ROBO1: variants seen among roughly 807,000 people sequenced by gnomAD.
ROBO1 encodes the protein roundabout homolog 1.
A neutral mutation model predicts 195.9 loss-of-function variants in ROBO1; 149 were observed. That is an observed-to-expected ratio of 0.76 (90% CI 0.67 to 0.87). The LOEUF is 0.87. Among genes scored for constraint, ROBO1 ranks in the 40% least tolerant of loss-of-function variants. ROBO1 has a pLI of 0.00. For missense variants in ROBO1, 1,933 were observed against 2,068.3 expected, an observed-to-expected ratio of 0.93 and a Z score of 1.27; for synonymous variants, 816 against 733.2, an observed-to-expected ratio of 1.11 and a Z score of -1.82.
chr3:79,711,721 A>T (rs542991324), intron 1 of ROBO1, among the ~76,000 whole-genome samples: 1 of 152,192 alleles, frequency 6.6e-6, no homozygotes, highest in East Asian at 1.9e-4. Flanking sequence ...CTTCAGAAAT[A>T]TTGCATTTTA....
intron 2 of ROBO1, among the ~76,000 whole-genome samples, chr3:79,502,697 G>T (rs1940159075): frequency 2.0e-5 from 1 of 49,496 alleles, no homozygotes; most frequent in African/African-American, 1.4e-4. Context: ...GTCTAGTGGG[G>T]ACTTGGAGAA....
intron 2 of ROBO1, among the ~76,000 whole-genome samples, chr3:79,581,648 A>G (rs1038832909): frequency 1.3e-5 from 2 of 152,112 alleles, no homozygotes; most frequent in African/African-American, 4.8e-5. Flanking sequence ...TTTTCCCTTA[A>G]GTATTCGTTC....
chr3:79,241,201 G>A (rs1012177315), intron 2 of ROBO1, among the ~76,000 whole-genome samples: 6 of 151,908 alleles, frequency 3.9e-5, no homozygotes, highest in South Asian at 2.1e-4. Context: ...AAACGTTTTC[G>A]AAAGACTATG....
chr3:78,634,072 C>T (rs1705341610), intron 23 of ROBO1, 30 bp from the exon 24 acceptor site: 4 of 1,431,720 alleles, frequency 2.8e-6, no homozygotes, highest in Non-Finnish European at 3.9e-6. Context: ...AAACAATAAA[C>T]ATTTATTTTC....
intron 2 of ROBO1, among the ~76,000 whole-genome samples, chr3:79,556,241 G>A (rs1030260634): frequency 3.3e-5 from 5 of 151,898 alleles, no homozygotes; most frequent in Non-Finnish European, 7.4e-5. Flanking sequence ...ATTATTTTAT[G>A]TATGCCCTTT....
intron 27 of ROBO1, 124 bp from the exon 28 acceptor site, chr3:78,614,924 A>G: frequency 9.9e-7 from 1 of 1,007,676 alleles, no homozygotes; most frequent in Non-Finnish European, 1.4e-6. Flanking sequence ...GCAACAAAAA[A>G]AGCTTAAACA....
intron 3 of ROBO1, among the ~76,000 whole-genome samples, chr3:79,076,223 A>G (rs2079169967): frequency 6.8e-6 from 1 of 148,060 alleles, no homozygotes; most frequent in Non-Finnish European, 1.5e-5. Flanking sequence ...ATAGGCATAT[A>G]TGTTACTTAT....
intron 2 of ROBO1, among the ~76,000 whole-genome samples, chr3:79,159,825 G>T (rs1352771854): frequency 6.6e-6 from 1 of 152,030 alleles, no homozygotes; most frequent in Non-Finnish European, 1.5e-5. Context: ...CCTGGCCACA[G>T]TGAGAAGTTC....
At chr3:79,752,234 C>T (rs558427548) in intron 1 of ROBO1, among the ~76,000 whole-genome samples, 1 of 152,174 alleles carries the variant, frequency 6.6e-6, no homozygotes, top group Admixed American at 6.5e-5. Flanking sequence ...AGGAAGAGTA[C>T]TTGGTAATTC....
At chr3:78,672,460 T>C (rs990998926) in intron 10 of ROBO1, among the ~76,000 whole-genome samples, 11 of 151,634 alleles carry the variant, frequency 7.3e-5, no homozygotes, top group African/African-American at 2.7e-4. Context: ...GCCATGGTGG[T>C]GTGCACCTGT....
chr3:79,746,949 T>A (rs1236921987), intron 1 of ROBO1, among the ~76,000 whole-genome samples: 4 of 152,072 alleles, frequency 2.6e-5, no homozygotes, highest in Admixed American at 1.3e-4. Context: ...TTTCAGGTGA[T>A]CAGTTATACT....
chr3:79,064,584 A>T (rs1330065292), intron 3 of ROBO1, among the ~76,000 whole-genome samples: 1 of 151,416 alleles, frequency 6.6e-6, no homozygotes, highest in Non-Finnish European at 1.5e-5. Context: ...TTGGTCTGGA[A>T]CTCCTGGGCT....
At chr3:79,741,289 G>A (rs1272436619) in intron 1 of ROBO1, among the ~76,000 whole-genome samples, 1 of 152,102 alleles carries the variant, frequency 6.6e-6, no homozygotes, top group African/African-American at 2.4e-5. Flanking sequence ...TATGCTACTG[G>A]TAAAACTTAG....
At chr3:79,087,396 C>T (rs1346554439) in intron 3 of ROBO1, among the ~76,000 whole-genome samples, 2 of 152,028 alleles carry the variant, frequency 1.3e-5, no homozygotes, top group African/African-American at 4.8e-5. Context: ...GGCAGGTTTC[C>T]AAACCTTTAA....
chr3:79,636,571 A>G (rs1478806832), intron 1 of ROBO1, among the ~76,000 whole-genome samples: 2 of 152,100 alleles, frequency 1.3e-5, no homozygotes, highest in African/African-American at 2.4e-5. Flanking sequence ...ACCCCTCACC[A>G]TTCCTTTACT....
intron 1 of ROBO1, among the ~76,000 whole-genome samples, chr3:79,627,241 C>A (rs1324408028): frequency 6.6e-6 from 1 of 152,112 alleles, no homozygotes; most frequent in Non-Finnish European, 1.5e-5. Flanking sequence ...CACTACCTGA[C>A]CTCAAACTAT....
intron 3 of ROBO1, among the ~76,000 whole-genome samples, chr3:78,949,086 C>A (rs2040625129): frequency 7.0e-6 from 1 of 142,526 alleles, no homozygotes; most frequent in South Asian, 2.3e-4. Context: ...CCATACTGCC[C>A]AAGGTAATTT....
intron 2 of ROBO1, among the ~76,000 whole-genome samples, chr3:79,327,180 T>A (rs1274812992): frequency 1.3e-5 from 2 of 152,104 alleles, no homozygotes; most frequent in Admixed American, 6.6e-5. Flanking sequence ...AGGACTTTGC[T>A]TTCACTGAAA....
intron 8 of ROBO1, among the ~76,000 whole-genome samples, chr3:78,702,743 T>C (rs1040377729): frequency 2.0e-5 from 3 of 152,200 alleles, no homozygotes; most frequent in African/African-American, 7.2e-5. Flanking sequence ...TGCTCAGTTA[T>C]ACATCTATAT....
Sources: gnomAD v4.1 joint callset for allele counts (sites outside exome capture counted in the v4.1 genomes callset) on GRCh38, gnomAD v4.1.1 for gene constraint, MANE v1.5 for transcripts, NCBI Gene and HGNC (gene_info 2026-07-23, HGNC 2026-07-21) for gene names.